STPG2: variants seen among roughly 807,000 people sequenced by gnomAD.
The protein encoded by STPG2 is sperm tail PG-rich repeat containing 2, also known as sperm-tail PG-rich repeat-containing protein 2.
In STPG2, 56 loss-of-function variants were observed where a neutral mutation model predicts 54.2. The observed-to-expected ratio is 1.03, with a 90% confidence interval of 0.83 to 1.29. The LOEUF (loss-of-function observed/expected upper bound fraction) is 1.29, where lower values mean the gene tolerates loss of function less well. STPG2 is among the 50% of genes most tolerant of loss of function. STPG2 has a pLI of 0.00. For missense variants in STPG2, 596 were observed against 544.9 expected (o/e 1.09, Z -0.93); for synonymous variants, 200 against 181.8 (o/e 1.10, Z -0.81).
At position 97,802,057 on chromosome 4, in the gene STPG2, G is replaced by A. The variant is rs145214903; in HGVS notation, c.1204+38716C>T. 8.1e-3 allele frequency among the ~76,000 whole-genome samples: 1,236 copies of A among 152,248 alleles called. 11 individuals are homozygous for A. The highest frequency in any genetic ancestry group is 0.014 in the Non-Finnish European group (927 of 68,016). Reference sequence around the variant, plus strand: ...GTCTGAATCTTTAGGTCAGGTAAGCGTCTAAGAATTTGAATCTCTAATAAA... The same window carrying A: ...GTCTGAATCTTTAGGTCAGGTAAGCATCTAAGAATTTGAATCTCTAATAAA... On this transcript the variant is annotated intron_variant, in intron 9 of 10. Transcript: ENST00000295268.
intron 3 of STPG2, among the ~76,000 whole-genome samples, chr4:98,127,843 A>T (rs898963613): frequency 2.6e-5 from 4 of 152,218 alleles, no homozygotes; most frequent in Non-Finnish European, 5.9e-5. Context: ...TTTTTTAATA[A>T]TCATTTCTGG....
chr4:98,035,401 T>C (rs564681762), intron 5 of STPG2, among the ~76,000 whole-genome samples: 6 of 152,296 alleles, frequency 3.9e-5, no homozygotes, highest in East Asian at 3.9e-4. Flanking sequence ...CACAATGAGA[T>C]ACCATCTCAT....
intron 1 of STPG2, among the ~76,000 whole-genome samples, chr4:98,135,902 A>G (rs1740121400): frequency 6.6e-6 from 1 of 151,798 alleles, no homozygotes; most frequent in Non-Finnish European, 1.5e-5. Context: ...ACATATATAA[A>G]TACACACACA....
At chr4:97,557,760 G>A (rs1394559956), downstream of STPG2, among the ~76,000 whole-genome samples, 1 of 152,114 alleles carries the variant, frequency 6.6e-6, no homozygotes, top group Non-Finnish European at 1.5e-5. Flanking sequence ...GATTTTGCAG[G>A]GCATATTGGA....
chr4:97,819,571 T>G (rs1728018611), intron 9 of STPG2, among the ~76,000 whole-genome samples: 1 of 152,132 alleles, frequency 6.6e-6, no homozygotes, highest in Non-Finnish European at 1.5e-5. Context: ...CTACAAATGT[T>G]GTCTTATATG....
intron 8 of STPG2, among the ~76,000 whole-genome samples, chr4:97,903,798 G>C (rs62318642): frequency 1.3e-5 from 2 of 152,042 alleles, no homozygotes; most frequent in Non-Finnish European, 2.9e-5. Flanking sequence ...AAGCGCAAGG[G>C]GTCAGGGAGT....
intron 10 of STPG2, among the ~76,000 whole-genome samples, chr4:97,614,582 C>G (rs567455526): frequency 6.6e-6 from 1 of 152,110 alleles, no homozygotes; most frequent in Non-Finnish European, 1.5e-5. Context: ...AAAACTGTTG[C>G]CATGCTCTTC....
chr4:97,596,944 G>A (rs1317859403), intron 10 of STPG2, among the ~76,000 whole-genome samples: 3 of 151,406 alleles, frequency 2.0e-5, no homozygotes, highest in South Asian at 2.1e-4. Flanking sequence ...AAAATGGGAC[G>A]AGAAACCACA....
rs368062827 is a variant in STPG2 at position 97,839,713 on chromosome 4, T to C, written c.1204+1060A>G. ...TAAAAAGTGAAATTTCAACTTAAAA[T>C]GGATCTATAAGCTGGCAATATGCCT... On this transcript the variant is annotated intron_variant, in intron 9 of 10. Coordinates refer to ENST00000295268, the MANE Select transcript of STPG2 (RefSeq NM_174952.3). Among the ~76,000 whole-genome samples the C allele has an allele frequency of 1.9e-3, 295 of 151,690 alleles. 2 individuals carry two copies. The highest frequency in any genetic ancestry group is 6.5e-3 in the African/African-American group (268 of 41,488).
At chr4:97,736,504 C>T (rs997794166) in intron 9 of STPG2, among the ~76,000 whole-genome samples, 1 of 152,162 alleles carries the variant, frequency 6.6e-6, no homozygotes, top group African/African-American at 2.4e-5. Context: ...TCACTCCCAC[C>T]CCATTACTGC....
intron 4 of STPG2, among the ~76,000 whole-genome samples, chr4:97,507,549 GCAAAATCCTC>G (rs1730879649): frequency 6.6e-6 from 1 of 151,968 alleles, no homozygotes; most frequent in Non-Finnish European, 1.5e-5. Context: ...AGGTTAAAGG[GCAAAATCCTC>G]CATAAGACTG....
intron 4 of STPG2, among the ~76,000 whole-genome samples, chr4:97,502,648 T>C (rs1730751002): frequency 6.6e-6 from 1 of 151,760 alleles, no homozygotes; most frequent in Non-Finnish European, 1.5e-5. Context: ...GAAATGGTGG[T>C]AAATATTGAA....
At chr4:98,047,969 G>C (rs1737190343) in intron 5 of STPG2, among the ~76,000 whole-genome samples, 1 of 152,148 alleles carries the variant, frequency 6.6e-6, no homozygotes, top group African/African-American at 2.4e-5. Flanking sequence ...AACTCTCACA[G>C]AGATTATAGA....
At chr4:97,523,367 T>C (rs1313145213) in intron 4 of STPG2, among the ~76,000 whole-genome samples, 2 of 151,912 alleles carry the variant, frequency 1.3e-5, no homozygotes, top group Non-Finnish European at 2.9e-5. Flanking sequence ...GTTACAATGA[T>C]TAAGTATAAT....
intron 5 of STPG2, among the ~76,000 whole-genome samples, chr4:98,078,125 G>A (rs1320724086): frequency 2.0e-5 from 3 of 152,090 alleles, no homozygotes; most frequent in Non-Finnish European, 4.4e-5. Flanking sequence ...AAAAGAGAAC[G>A]CTCATGAAGA....
At chr4:98,020,928 G>T (rs185318227) in intron 5 of STPG2, among the ~76,000 whole-genome samples, 1 of 151,794 alleles carries the variant, frequency 6.6e-6, no homozygotes, top group African/African-American at 2.4e-5. Flanking sequence ...TATTAGTCTT[G>T]CTAGCAGTCT....
intron 5 of STPG2, among the ~76,000 whole-genome samples, chr4:98,102,047 C>T (rs922567775): frequency 1.3e-5 from 2 of 152,122 alleles, no homozygotes; most frequent in Non-Finnish European, 2.9e-5. Flanking sequence ...TTGTGCTAAC[C>T]ACTGTAAAAT....
chr4:97,738,814 G>A (rs1042689616), intron 9 of STPG2, among the ~76,000 whole-genome samples: 2 of 152,072 alleles, frequency 1.3e-5, no homozygotes, highest in African/African-American at 2.4e-5. Flanking sequence ...AAGACAGAAA[G>A]TCAACAAGGA....
intron 8 of STPG2, among the ~76,000 whole-genome samples, chr4:97,931,900 T>C (rs1732561781): frequency 6.6e-6 from 1 of 152,122 alleles, no homozygotes; most frequent in South Asian, 2.1e-4. Flanking sequence ...GTAGGCTATT[T>C]ATTACTGATT....
Sources: allele counts gnomAD v4.1 joint callset (sites outside exome capture counted in the v4.1 genomes callset), GRCh38; gene constraint gnomAD v4.1.1; transcripts MANE v1.5; gene names NCBI Gene and HGNC (gene_info 2026-07-23, HGNC 2026-07-21).